SRGAP2B: variants seen among roughly 807,000 people sequenced by gnomAD.
SRGAP2B encodes the protein SLIT-ROBO Rho GTPase activating protein 2B, also known as SLIT-ROBO Rho GTPase-activating protein 2B.
A neutral mutation model predicts 22.2 loss-of-function variants in SRGAP2B; 9 were observed. The observed-to-expected ratio is 0.41, with a 90% CI of 0.24 to 0.71. The LOEUF (loss-of-function observed/expected upper bound fraction) is 0.71, where lower values mean the gene tolerates loss of function less well. SRGAP2B is among the 30% of genes least tolerant of loss of function. The pLI is 0.35. For missense variants in SRGAP2B, 114 were observed against 235.8 expected (o/e 0.48, Z 3.38); for synonymous variants, 36 against 87.4 (o/e 0.41, Z 3.28).
chr1:144,920,723 A>G (rs1664180891), intron 4 of SRGAP2B, among the ~76,000 whole-genome samples: 1 of 150,170 alleles, frequency 6.7e-6, no homozygotes, highest in South Asian at 2.1e-4. Flanking sequence ...TATATTGGTC[A>G]TAACTCACTA....
intron 2 of SRGAP2B, among the ~76,000 whole-genome samples, chr1:144,995,909 TAAG>T (rs1228737442): frequency 6.6e-6 from 1 of 150,936 alleles, no homozygotes; most frequent in Non-Finnish European, 1.5e-5. Context: ...AATCATTTTT[TAAG>T]AAGACTTGGA....
intron 2 of SRGAP2B, among the ~76,000 whole-genome samples, chr1:145,088,479 T>G (rs1347783929): frequency 2.1e-5 from 3 of 145,374 alleles, no homozygotes; most frequent in Non-Finnish European, 4.5e-5. Context: ...ACAAGACCCC[T>G]AATGTTCTCG....
intron 2 of SRGAP2B, among the ~76,000 whole-genome samples, chr1:145,041,071 T>C (rs1318972939): frequency 4.6e-5 from 4 of 86,210 alleles, no homozygotes; most frequent in Non-Finnish European, 8.3e-5. Context: ...CATGTATATA[T>C]ATAGTATATA....
At chr1:144,931,126 C>T (rs1463849364) in intron 4 of SRGAP2B, among the ~76,000 whole-genome samples, 1 of 148,864 alleles carries the variant, frequency 6.7e-6, no homozygotes, top group African/African-American at 2.6e-5. Context: ...ACTCCAGCTC[C>T]CCCTCCATGC....
At chr1:145,030,366 A>G (rs1335550793) in intron 2 of SRGAP2B, among the ~76,000 whole-genome samples, 1 of 149,224 alleles carries the variant, frequency 6.7e-6, no homozygotes, top group Non-Finnish European at 1.5e-5. Flanking sequence ...ATGTTTGAAT[A>G]CTATACAGCC....
chr1:145,089,267 T>C (rs1252571213), intron 2 of SRGAP2B, among the ~76,000 whole-genome samples: 1 of 150,672 alleles, frequency 6.6e-6, no homozygotes, highest in African/African-American at 2.5e-5. Context: ...AAGTCAGACA[T>C]TGAGAGGCAT....
At position 144,984,360 on chromosome 1, in the gene SRGAP2B, AACAAC is replaced by A. The variant is rs1184884803; in HGVS notation, c.260+10643_260+10647del. Among the ~76,000 whole-genome samples, 1,057 of 130,500 alleles carry A rather than the reference AACAAC, an allele frequency of 8.1e-3. 13 individuals are homozygous for A. The highest frequency in any genetic ancestry group is 0.033 in the Middle Eastern group (8 of 242). 85.6% of individuals were successfully genotyped at this position (130,500 alleles called of 152,430 possible). A position where few individuals can be genotyped will look rare whatever the true frequency, so the allele number is the denominator to read the frequency against. On this transcript the variant is annotated intron_variant, in intron 3 of 9. Coordinates refer to ENST00000612199, the Ensembl canonical transcript of SRGAP2B. Reference sequence around the variant, plus strand: ...CAACAACAACAACAACAACAACAACAACAACAAAAAAAAAAAAACAAAAAAGCCCC... The same window carrying A: ...CAACAACAACAACAACAACAACAACAAAAAAAAAAAAAACAAAAAAGCCCC...
chr1:144,990,804 C>T (rs1387065277), intron 3 of SRGAP2B, among the ~76,000 whole-genome samples: 20 of 151,464 alleles, frequency 1.3e-4, no homozygotes, highest in African/African-American at 4.4e-4. Flanking sequence ...CCAGTGGCTG[C>T]GGAGGGTGTA....
intron 1 of SRGAP2B, chr1:145,094,958 G>T: frequency 6.5e-7 from 1 of 1,540,992 alleles, no homozygotes; most frequent in Non-Finnish European, 8.7e-7. Context: ...TGCCGGCTGC[G>T]CTGCGGTCCG....
intron 4 of SRGAP2B, among the ~76,000 whole-genome samples, chr1:144,925,931 T>G (rs1664702688): frequency 8.6e-6 from 1 of 115,818 alleles, no homozygotes; most frequent in Non-Finnish European, 1.8e-5. Context: ...TACACTCTAG[T>G]TTTGCTTTTT....
intron 5 of SRGAP2B, among the ~76,000 whole-genome samples, chr1:144,911,950 C>CTTT (rs1175957935): frequency 1.8e-5 from 2 of 112,914 alleles, no homozygotes; most frequent in East Asian, 2.4e-4. Context: ...TTTCCTTTTT[C>CTTT]TTTTTTTTTT....
chr1:145,045,020 T>A (rs1356812525), intron 2 of SRGAP2B, among the ~76,000 whole-genome samples: 15 of 148,910 alleles, frequency 1.0e-4, no homozygotes, highest in Non-Finnish European at 1.3e-4. Context: ...TTTGTCTATT[T>A]CATGCTGTTA....
intron 3 of SRGAP2B, among the ~76,000 whole-genome samples, chr1:144,987,847 A>C (rs587699335): frequency 6.6e-6 from 1 of 150,742 alleles, no homozygotes; most frequent in African/African-American, 2.5e-5. Flanking sequence ...GGAAAAACAA[A>C]AGTGCTGTTA....
chr1:144,991,180 C>T (rs1553617067), intron 3 of SRGAP2B, among the ~76,000 whole-genome samples: 1 of 150,718 alleles, frequency 6.6e-6, no homozygotes, highest in Non-Finnish European at 1.5e-5. Flanking sequence ...CAATCAGCAC[C>T]CTGTGTTTAG....
chr1:144,945,675 CA>C (rs1228899087), intron 4 of SRGAP2B, among the ~76,000 whole-genome samples: 6 of 148,716 alleles, frequency 4.0e-5, no homozygotes, highest in Non-Finnish European at 5.9e-5. Flanking sequence ...CTAAGAACCA[CA>C]GCTGATTTCT....
Position 145,067,348 on chromosome 1 carries a change from A to G in SRGAP2B, c.67+25487T>C, listed in dbSNP as rs1209393668. Among the ~76,000 whole-genome samples, 5 of 148,890 alleles carry G rather than the reference A, an allele frequency of 3.4e-5. No homozygotes were observed. The South Asian group carries it at 8.4e-4, about 25-fold the overall frequency. Reference sequence around the variant, plus strand: ...CAGAGAAGCCAAGAGTTCAAGGCTAAGCAAAATTGTTAAGTAGGTCAAACT... The same window carrying G: ...CAGAGAAGCCAAGAGTTCAAGGCTAGGCAAAATTGTTAAGTAGGTCAAACT... On this transcript the variant is annotated intron_variant, in intron 2 of 9. Transcript: ENST00000612199.
chr1:145,085,096 C>T (rs1197278588), intron 2 of SRGAP2B, among the ~76,000 whole-genome samples: 2 of 151,696 alleles, frequency 1.3e-5, no homozygotes, highest in Admixed American at 1.3e-4. Context: ...GCACCCACCA[C>T]CACGCCCAGC....
intron 3 of SRGAP2B, among the ~76,000 whole-genome samples, chr1:144,966,933 G>A (rs369949583): frequency 5.6e-5 from 8 of 142,278 alleles, no homozygotes; most frequent in African/African-American, 1.7e-4. Flanking sequence ...TTCAACAAGA[G>A]GAGCTAACTA....
At chr1:145,091,926 C>A (rs1352490090) in intron 2 of SRGAP2B, among the ~76,000 whole-genome samples, 1 of 139,756 alleles carries the variant, frequency 7.2e-6, no homozygotes, top group East Asian at 2.0e-4. Flanking sequence ...CAGGCAGGAA[C>A]CCTTCCTATG....
Sources: allele counts gnomAD v4.1 joint callset (sites outside exome capture counted in the v4.1 genomes callset), GRCh38; gene constraint gnomAD v4.1.1; transcripts MANE v1.5; gene names NCBI Gene and HGNC (gene_info 2026-07-23, HGNC 2026-07-21).